HFM1: variants seen among roughly 807,000 people sequenced by gnomAD.
HFM1 encodes the protein helicase for meiosis 1, also known as probable ATP-dependent DNA helicase HFM1.
Under a neutral mutation model 192.1 loss-of-function variants are expected in HFM1, and 169 were observed. That is an observed-to-expected ratio of 0.88 (90% CI 0.78 to 1.00). The LOEUF is 1.00. Among genes scored for constraint, HFM1 ranks in the 50% least tolerant of loss-of-function variants. The pLI is 0.00. For missense variants in HFM1, 1,661 were observed against 1,668.0 expected, an observed-to-expected ratio of 1.00 and a Z score of 0.07; for synonymous variants, 525 against 537.8, an observed-to-expected ratio of 0.98 and a Z score of 0.33.
Position 91,373,129 on chromosome 1 carries a change from G to T in HFM1, c.1685+2229C>A, listed in dbSNP as rs150835250. On this transcript the variant is annotated intron_variant, in intron 13 of 38. Transcript: ENST00000370425. ...AATTCTTTAATAGACTATCTTTATA[G>T]TCTACCTTTTTAGTGGATTAAAAAA... Among the ~76,000 whole-genome samples the T allele has an allele frequency of 3.2e-5, 4 of 124,432 alleles. No individual in the cohort carries two copies. In the East Asian group the frequency reaches 9.5e-4, roughly 30 times the overall value. The allele number at this position is 124,432 out of a possible 152,430, so 81.6% of individuals were successfully genotyped here.
chr1:91,331,830 AG>A (rs1410393337), intron 20 of HFM1, among the ~76,000 whole-genome samples: 1 of 152,230 alleles, frequency 6.6e-6, no homozygotes, highest in Admixed American at 6.5e-5. Context: ...CGAGAGGCAG[AG>A]GTTGCAGTGA....
In HFM1 at chr1:91,289,846, C is replaced by T. The variant is rs556484532; in HGVS notation, c.3392-12784G>A. Among the ~76,000 whole-genome samples, 170 of 151,516 alleles carry T rather than the reference C, an allele frequency of 1.1e-3. 1 individual carries two copies. Among genetic ancestry groups the T allele is most frequent in the Non-Finnish European group, 2.0e-3 (134 of 68,002 alleles). On this transcript the variant is annotated intron_variant, in intron 30 of 38. Transcript: ENST00000370425. ...CCTCAGCTCAGCATCAGAGGGAGAC[C>T]GTGCAAAGAGGGAGAGGGAGACGAG...
chr1:91,356,676 G>C (rs1009940509), intron 13 of HFM1, among the ~76,000 whole-genome samples: 3 of 150,670 alleles, frequency 2.0e-5, no homozygotes, highest in Admixed American at 6.6e-5. Context: ...CCAAGACTTG[G>C]TTCTTTGAAA....
chr1:91,311,862 G>A (rs1650512898), intron 30 of HFM1, among the ~76,000 whole-genome samples: 1 of 152,120 alleles, frequency 6.6e-6, no homozygotes, highest in African/African-American at 2.4e-5. Flanking sequence ...CATGGGCTGG[G>A]CCCAGGTCCC....
At chr1:91,307,110 G>T (rs1649719100) in intron 30 of HFM1, among the ~76,000 whole-genome samples, 1 of 151,652 alleles carries the variant, frequency 6.6e-6, no homozygotes, top group Non-Finnish European at 1.5e-5. Context: ...ATTCATAGAG[G>T]GTTCTTAATT....
chr1:91,395,898 G>A (rs988142314), intron 3 of HFM1, among the ~76,000 whole-genome samples: 25 of 149,198 alleles, frequency 1.7e-4, no homozygotes, highest in Admixed American at 1.1e-3. Flanking sequence ...GCCCAGGATA[G>A]AGTGCAGTGG....
chr1:91,265,498 G>T (rs1557747645), intron 36 of HFM1, among the ~76,000 whole-genome samples: 1 of 53,338 alleles, frequency 1.9e-5, no homozygotes, highest in Non-Finnish European at 3.5e-5. Flanking sequence ...AATCTTGAAG[G>T]TATTTGGGTT....
chr1:91,321,597 AG>A (rs1348331325), intron 23 of HFM1, among the ~76,000 whole-genome samples: 1 of 152,192 alleles, frequency 6.6e-6, no homozygotes, highest in Non-Finnish European at 1.5e-5. Flanking sequence ...GCCATGAAAA[AG>A]GTAACTATTA....
chr1:91,336,348 C>A (rs1399485895), intron 20 of HFM1, among the ~76,000 whole-genome samples: 1 of 151,328 alleles, frequency 6.6e-6, no homozygotes, highest in East Asian at 2.0e-4. Flanking sequence ...TCCCTCTCTG[C>A]CCCACCATGT....
chr1:91,273,601 A>C (rs1204425915), intron 34 of HFM1, 111 bp downstream of exon 34: 1 of 563,912 alleles, frequency 1.8e-6, no homozygotes, highest in African/African-American at 1.9e-5. Flanking sequence ...AAATGTTGCC[A>C]AGTTAATAAT....
At chr1:91,405,705 C>T (rs1244700851), upstream of HFM1, among the ~76,000 whole-genome samples, 1 of 152,178 alleles carries the variant, frequency 6.6e-6, no homozygotes, top group East Asian at 1.9e-4. Flanking sequence ...TGCAGTAGTC[C>T]TACCACACAG....
In HFM1 at chr1:91,396,265, G is replaced by T. The variant is rs751171622; in HGVS notation, c.184+28C>A. ...TATTGCCATGAACTGTATGGGTTTG[G>T]CTTCAAAACAAATATGTGATAATTT... On this transcript the variant is annotated intron_variant, in intron 3 of 38. Transcript: ENST00000370425. 52 of 1,134,290 alleles carry T rather than the reference G, an allele frequency of 4.6e-5. No individual in the cohort carries two copies. The Admixed American group carries it at 9.5e-4, about 21-fold the overall frequency. 70.3% of individuals were successfully genotyped at this position (1,134,290 alleles called of 1,614,324 possible).
chr1:91,317,677 C>A (rs903046825), intron 25 of HFM1, among the ~76,000 whole-genome samples: 1 of 152,168 alleles, frequency 6.6e-6, no homozygotes, highest in Non-Finnish European at 1.5e-5. Context: ...TTGGGAATTT[C>A]TCTTAGTTCT....
At chr1:91,379,966 CAAAT>C (rs1416700207) in intron 8 of HFM1, 134 bp downstream of exon 8, 2 of 420,626 alleles carry the variant, frequency 4.8e-6, no homozygotes, top group Non-Finnish European at 8.4e-6. Flanking sequence ...AATTTAATGA[CAAAT>C]AAGACCAGAC....
chr1:91,305,248 A>G (rs1306527934), intron 30 of HFM1, among the ~76,000 whole-genome samples: 1 of 152,222 alleles, frequency 6.6e-6, no homozygotes, highest in Non-Finnish European at 1.5e-5. Context: ...GAATTTATGA[A>G]TTAATATGAG....
At position 91,261,269 on chromosome 1, in the gene HFM1, T is replaced by C. The variant is rs900925297; in HGVS notation, c.*21A>G. On this transcript the variant is annotated 3_prime_UTR_variant, in exon 39 of 39. Transcript: ENST00000370425. ...GTGTCTTTATTCTTTCTCTTATCAA[T>C]ATAAAAAGTATTTGTTTGTTTTAGA... is the stretch of plus-strand genomic sequence containing the variant. 9.7e-7 allele frequency: 1 copy of C among 1,034,234 alleles called. No individual in the cohort carries two copies. The highest frequency in any genetic ancestry group is 1.3e-6 in the Non-Finnish European group (1 of 754,220). The allele number at this position is 1,034,234 out of a possible 1,614,324, so 64.1% of individuals were successfully genotyped here. A position where few individuals can be genotyped will look rare whatever the true frequency, so the allele number is the denominator to read the frequency against.
chr1:91,274,826 AATAAGTT>A lies in HFM1; in HGVS notation c.3589-24_3589-18del. On this transcript the variant is annotated intron_variant, in intron 32 of 38. Transcript: ENST00000370425. ...CATCTGTATCTATTAATGAAACAAA[AATAAGTT>A]CAACTATCAGTTTCACATCAATAAC... 1 of 1,350,526 alleles carries A rather than the reference AATAAGTT, an allele frequency of 7.4e-7. No homozygotes were observed. Among genetic ancestry groups the A allele is most frequent in the South Asian group, 1.3e-5 (1 of 79,838 alleles). 83.7% of individuals were successfully genotyped at this position (1,350,526 alleles called of 1,614,324 possible). A position where few individuals can be genotyped will look rare whatever the true frequency, so the allele number is the denominator to read the frequency against.
At chr1:91,381,737 A>T (rs1661570285) in intron 6 of HFM1, among the ~76,000 whole-genome samples, 1 of 152,200 alleles carries the variant, frequency 6.6e-6, no homozygotes, top group Non-Finnish European at 1.5e-5. Context: ...CTATAAATAA[A>T]GAAGAAAATG....
At chr1:91,277,977 TTA>T (rs571193230) in intron 30 of HFM1, among the ~76,000 whole-genome samples, 1 of 141,426 alleles carries the variant, frequency 7.1e-6, no homozygotes, top group Admixed American at 7.7e-5. Flanking sequence ...ATACATTATA[TTA>T]TATATATATA....
Sources: gnomAD v4.1 joint callset for allele counts (sites outside exome capture counted in the v4.1 genomes callset) on GRCh38, gnomAD v4.1.1 for gene constraint, MANE v1.5 for transcripts, NCBI Gene and HGNC (gene_info 2026-07-23, HGNC 2026-07-21) for gene names.